TGFBR2: variants seen among roughly 807,000 people sequenced by gnomAD.
TGFBR2 encodes the protein transforming growth factor beta receptor 2, also known as TGF-beta receptor type-2.
A neutral mutation model predicts 49.0 loss-of-function variants in TGFBR2; 18 were observed. That is an observed-to-expected ratio of 0.37 (90% confidence interval 0.25 to 0.54). The LOEUF is 0.54. Among genes scored for constraint, TGFBR2 ranks in the 20% least tolerant of loss-of-function variants. The pLI, the probability that TGFBR2 is intolerant of heterozygous loss-of-function variation, is 0.85. For missense variants in TGFBR2, 525 were observed against 722.6 expected (o/e 0.73, Z 3.13); for synonymous variants, 282 against 275.9 (o/e 1.02, Z -0.22).
chr3:30,622,008 G>A (rs1698240189), intron 1 of TGFBR2, among the ~76,000 whole-genome samples: 1 of 152,170 alleles, frequency 6.6e-6, no homozygotes, highest in South Asian at 2.1e-4. Context: ...GCCATTTTCT[G>A]TGAGTCAAAA....
Position 30,652,232 on chromosome 3 carries a change from G to GTTTTT in TGFBR2, c.454+1790_454+1794dup, listed in dbSNP as rs11386584. 9.2e-3 allele frequency among the ~76,000 whole-genome samples: 893 copies of GTTTTT among 96,812 alleles called. 3 individuals carry two copies. Among genetic ancestry groups the GTTTTT allele is most frequent in the Non-Finnish European group, 0.011 (560 of 53,074 alleles). 63.5% of individuals were successfully genotyped at this position (96,812 alleles called of 152,430 possible). A position where few individuals can be genotyped will look rare whatever the true frequency, so the allele number is the denominator to read the frequency against. ...ATTTCTCTCGTTTTCTTTTCTGGTT[G>GTTTTT]TTTTTTTTTTTTTTTTTTTTTTGAC... On this transcript the variant is annotated intron_variant, in intron 3 of 6. Transcript: ENST00000295754.
chr3:30,644,985 C>A, intron 2 of TGFBR2, 70 bp downstream of exon 2: 2 of 1,384,366 alleles, frequency 1.4e-6, no homozygotes, highest in Non-Finnish European at 2.0e-6. Flanking sequence ...ATAGTACACA[C>A]AGTCAGTGTA....
chr3:30,617,273 C>G (rs770888620), intron 1 of TGFBR2, among the ~76,000 whole-genome samples: 1 of 152,138 alleles, frequency 6.6e-6, no homozygotes, highest in Non-Finnish European at 1.5e-5. Flanking sequence ...AGTTTGCAGA[C>G]ACTTGTTAGC....
chr3:30,619,956 G>C (rs17025735), intron 1 of TGFBR2, among the ~76,000 whole-genome samples: 2,292 of 126,412 alleles, frequency 0.018, 28 homozygotes, highest in East Asian at 0.054. Context: ...GGGAGGCCGA[G>C]GCGGGCGGAT....
rs1285873162 is a variant in TGFBR2 at position 30,692,616 on chromosome 3, G to T, written c.*1017G>T. ...TTTACTTTTTCATTACACTTGACTT[G>T]ATTTTCTAGTTTTCTATACAAACAC... On this transcript the variant is annotated 3_prime_UTR_variant, in exon 7 of 7. Transcript: ENST00000295754. The T allele has an allele frequency of 4.3e-6, 1 of 232,954 alleles. No individual in the cohort carries two copies. The highest frequency in any genetic ancestry group is 8.5e-6 in the Non-Finnish European group (1 of 117,938). 14.4% of individuals were successfully genotyped at this position (232,954 alleles called of 1,614,324 possible). A position where few individuals can be genotyped will look rare whatever the true frequency, so the allele number is the denominator to read the frequency against.
chr3:30,674,384 GAACT>G lies in TGFBR2; in HGVS notation c.1396+140_1396+143del, dbSNP rs755637984. 851 of 1,200,314 alleles carry G rather than the reference GAACT, an allele frequency of 7.1e-4. 1 individual carries two copies. Among genetic ancestry groups the G allele is most frequent in the South Asian group, 1.2e-3 (98 of 79,808 alleles). The allele number at this position is 1,200,314 out of a possible 1,614,324, so 74.4% of individuals were successfully genotyped here. On this transcript the variant is annotated intron_variant, in intron 5 of 6. Coordinates refer to ENST00000295754, the MANE Select transcript of TGFBR2 (RefSeq NM_003242.6). ...GATCTGATATTATACAACCATCCCA[GAACT>G]ATTTGGGGTTATGCTAAACAGCCTA...
intron 3 of TGFBR2, among the ~76,000 whole-genome samples, chr3:30,660,804 A>G (rs2125421737): frequency 6.6e-6 from 1 of 152,346 alleles, no homozygotes; most frequent in South Asian, 2.1e-4. Context: ...AGGAAAGCAC[A>G]TTTTAAACCT....
chr3:30,608,851 C>T (rs1351171663), intron 1 of TGFBR2, among the ~76,000 whole-genome samples: 1 of 152,168 alleles, frequency 6.6e-6, no homozygotes, highest in Non-Finnish European at 1.5e-5. Flanking sequence ...ACCTAAGTGA[C>T]ATTTTGCTAA....
chr3:30,610,774 GTT>G (rs1339292009), intron 1 of TGFBR2, among the ~76,000 whole-genome samples: 2 of 152,190 alleles, frequency 1.3e-5, no homozygotes, highest in East Asian at 3.8e-4. Context: ...ATCAGCTTCT[GTT>G]ATTACTATTA....
At chr3:30,608,022 C>T (rs1266570615) in intron 1 of TGFBR2, among the ~76,000 whole-genome samples, 1 of 151,162 alleles carries the variant, frequency 6.6e-6, no homozygotes, top group African/African-American at 2.4e-5. Flanking sequence ...CTCACTGCAA[C>T]TTTGCCTCTG....
rs944591138 is a variant in TGFBR2, at chr3:30,691,294, A to C, written c.1525-126A>C. 13 of 1,022,622 alleles carry C rather than the reference A, an allele frequency of 1.3e-5. No individual in the cohort carries two copies. The East Asian group carries it at 3.4e-4, about 27-fold the overall frequency. 63.3% of individuals were successfully genotyped at this position (1,022,622 alleles called of 1,614,324 possible). A position where few individuals can be genotyped will look rare whatever the true frequency, so the allele number is the denominator to read the frequency against. ...GCAGCAGCAGGCACTCAGTCAGCAC[A>C]TGTTAAATGCACAGGCACTTTTGGA... On this transcript the variant is annotated intron_variant, in intron 6 of 6. Transcript: ENST00000295754.
At chr3:30,624,809 C>T (rs1422831669) in intron 1 of TGFBR2, among the ~76,000 whole-genome samples, 1 of 152,158 alleles carries the variant, frequency 6.6e-6, no homozygotes, top group Non-Finnish European at 1.5e-5. Flanking sequence ...AGCTCTCACA[C>T]TGTGGTGTGG....
At chr3:30,658,425 G>A (rs902459009) in intron 3 of TGFBR2, among the ~76,000 whole-genome samples, 1 of 152,162 alleles carries the variant, frequency 6.6e-6, no homozygotes, top group East Asian at 1.9e-4. Context: ...TTTTGGGAAT[G>A]GGATAGGACT....
chr3:30,688,244 A>C lies in TGFBR2; in HGVS notation c.1397-140A>C, dbSNP rs11466525. 4,375 of 1,070,730 alleles carry C rather than the reference A, an allele frequency of 4.1e-3. 130 individuals are homozygous for C. In the African/African-American group the frequency reaches 0.061, roughly 15 times the overall value. The allele number at this position is 1,070,730 out of a possible 1,614,324, so 66.3% of individuals were successfully genotyped here. ...CCTTCTTATCTTAGCCATTATTATTAAAATTTGCTCTTAGAGTAATTACGT... is the reference window on the plus strand; with the variant it reads ...CCTTCTTATCTTAGCCATTATTATTCAAATTTGCTCTTAGAGTAATTACGT... On this transcript the variant is annotated intron_variant, in intron 5 of 6. Transcript: ENST00000295754.
rs140952697 is a variant in TGFBR2, at chr3:30,684,752, A to G, written c.1397-3632A>G. 2.2e-3 allele frequency among the ~76,000 whole-genome samples: 342 copies of G among 152,298 alleles called. 1 individual carries two copies. Among genetic ancestry groups the G allele is most frequent in the African/African-American group, 7.7e-3 (322 of 41,564 alleles). On this transcript the variant is annotated intron_variant, in intron 5 of 6. Transcript: ENST00000295754. ...CTCACAACTTTCCAAGATTTTAGGA[A>G]AAGTAGGAAGTAACCTATTTATAAG...
At chr3:30,668,784 T>C (rs887271097) in intron 3 of TGFBR2, among the ~76,000 whole-genome samples, 2 of 152,004 alleles carry the variant, frequency 1.3e-5, no homozygotes, top group African/African-American at 2.4e-5. Flanking sequence ...ATTTTTTTTT[T>C]CCCTCTTGGT....
In TGFBR2 at chr3:30,666,280, G is replaced by T. The variant is rs927318799; in HGVS notation, c.455-5358G>T. Among the ~76,000 whole-genome samples the T allele has an allele frequency of 7.2e-5, 11 of 152,166 alleles. No individual in the cohort carries two copies. The South Asian group carries it at 1.0e-3, about 14-fold the overall frequency. ...TCAATGTTATTACTATTCATGGAAG[G>T]TCCCAATAGTGCAACAATTATGTTT... On this transcript the variant is annotated intron_variant, in intron 3 of 6. Coordinates refer to ENST00000295754, the MANE Select transcript of TGFBR2 (RefSeq NM_003242.6).
intron 1 of TGFBR2, among the ~76,000 whole-genome samples, chr3:30,635,086 C>G (rs1698505125): frequency 6.6e-6 from 1 of 152,162 alleles, no homozygotes; most frequent in African/African-American, 2.4e-5. Flanking sequence ...ACAGTATTTA[C>G]TATAAACTGC....
intron 3 of TGFBR2, among the ~76,000 whole-genome samples, chr3:30,660,628 A>AC (rs1699104991): frequency 6.6e-6 from 1 of 152,152 alleles, no homozygotes; most frequent in Non-Finnish European, 1.5e-5. Context: ...GAGGAGAAAA[A>AC]CCAACACCTG....
Sources: gnomAD v4.1 joint callset for allele counts (sites outside exome capture counted in the v4.1 genomes callset) on GRCh38, gnomAD v4.1.1 for gene constraint, MANE v1.5 for transcripts, NCBI Gene and HGNC (gene_info 2026-07-23, HGNC 2026-07-21) for gene names.